The following HECW1 variants were observed in gnomAD, a reference collection of about 807,000 sequenced individuals.
HECW1 encodes the protein HECT, C2 and WW domain containing E3 ubiquitin protein ligase 1.
In HECW1, 61 loss-of-function variants were observed where a neutral mutation model predicts 182.3. That is an observed-to-expected ratio of 0.33 (90% CI 0.27 to 0.41). The LOEUF (loss-of-function observed/expected upper bound fraction) is 0.41, where lower values mean the gene tolerates loss of function less well. HECW1 is among the 10% of genes least tolerant of loss of function. The probability of loss-of-function intolerance (pLI) is 1.00; values close to 1 mark genes in which losing one functional copy is unlikely to be tolerated. For synonymous variants in HECW1, 859 were observed against 832.6 expected, an observed-to-expected ratio of 1.03 and a Z score of -0.55; for missense variants, 1,739 against 2,108.9, an observed-to-expected ratio of 0.82 and a Z score of 3.44.
chr7:43,205,676 T>C (rs1795407902), intron 2 of HECW1, among the ~76,000 whole-genome samples: 1 of 152,200 alleles, frequency 6.6e-6, no homozygotes, highest in East Asian at 1.9e-4. Flanking sequence ...CCATGTGCAG[T>C]GGTCTCGTGA....
intron 3 of HECW1, among the ~76,000 whole-genome samples, chr7:43,281,238 ATCACTG>A (rs994507473): frequency 1.3e-5 from 2 of 152,130 alleles, no homozygotes; most frequent in African/African-American, 4.8e-5. Context: ...CGTCATGGCC[ATCACTG>A]TCTCAGGCTC....
chr7:43,553,629 A>G (rs550266051), intron 28 of HECW1, among the ~76,000 whole-genome samples: 1 of 146,170 alleles, frequency 6.8e-6, no homozygotes, highest in South Asian at 2.2e-4. Context: ...AGATCATGCC[A>G]CTGCACTCCA....
In HECW1 at chr7:43,278,309, A is replaced by T. The variant is rs114225408; in HGVS notation, c.28-33454A>T. 4.0e-3 allele frequency among the ~76,000 whole-genome samples: 604 copies of T among 151,524 alleles called. 5 individuals are homozygous for T. The highest frequency in any genetic ancestry group is 0.014 in the African/African-American group (580 of 41,284). On this transcript the variant is annotated intron_variant, in intron 3 of 29. Coordinates refer to ENST00000395891, the MANE Select transcript of HECW1 (RefSeq NM_015052.5). ...GCCAAAACCTGTGGTGTCATCCTTG[A>T]CTCATCCTTTCTCTGCACCCCACAT...
rs1353613550 is a variant in HECW1, at chr7:43,508,891, C to T, written c.3867-78C>T. On this transcript the variant is annotated intron_variant, in intron 23 of 29. Coordinates refer to ENST00000395891, the MANE Select transcript of HECW1 (RefSeq NM_015052.5). ...CCCAGCACCCAACTCTGAAAGGGCA[C>T]ACTAGAATCTGGGTGCAAACAGGTC... The T allele has an allele frequency of 2.7e-6, 4 of 1,504,352 alleles. No homozygotes were observed. The African/African-American group carries it at 5.5e-5, about 21-fold the overall frequency. The allele number at this position is 1,504,352 out of a possible 1,614,324, so 93.2% of individuals were successfully genotyped here.
chr7:43,210,450 A>AGAGTGTGT (rs1554310103), intron 2 of HECW1, among the ~76,000 whole-genome samples: 1 of 145,404 alleles, frequency 6.9e-6, no homozygotes, highest in Non-Finnish European at 1.5e-5. Flanking sequence ...AGTAGAAGTG[A>AGAGTGTGT]GTGTGTGTGT....
chr7:43,216,706 G>T lies in HECW1; in HGVS notation c.-31-27169G>T, dbSNP rs116919090. 2.9e-3 allele frequency among the ~76,000 whole-genome samples: 440 copies of T among 151,886 alleles called. 9 individuals carry two copies. In the East Asian group the frequency reaches 0.058, roughly 20 times the overall value. ...GTCTTGCTCTTTCCCCCAGGCTGGAGTACAGTGACGTGAACTCAGCTCACT... is the reference window on the plus strand; with the variant it reads ...GTCTTGCTCTTTCCCCCAGGCTGGATTACAGTGACGTGAACTCAGCTCACT... On this transcript the variant is annotated intron_variant, in intron 2 of 29. Coordinates refer to ENST00000395891, the MANE Select transcript of HECW1 (RefSeq NM_015052.5).
chr7:43,306,199 G>A (rs1807541418), intron 3 of HECW1, among the ~76,000 whole-genome samples: 1 of 152,202 alleles, frequency 6.6e-6, no homozygotes, highest in African/African-American at 2.4e-5. Flanking sequence ...GTCTGGCCTT[G>A]ATAATGTTTT....
At chr7:43,488,683 C>T (rs2078815832) in intron 17 of HECW1, among the ~76,000 whole-genome samples, 1 of 152,146 alleles carries the variant, frequency 6.6e-6, no homozygotes, top group Non-Finnish European at 1.5e-5. Flanking sequence ...GAATTTCCTC[C>T]AGCCCTGCCT....
At position 43,387,825 on chromosome 7, in the gene HECW1, G is replaced by A. The variant is rs1466163304; in HGVS notation, c.556-8989G>A. 2.0e-5 allele frequency among the ~76,000 whole-genome samples: 3 copies of A among 152,202 alleles called. No homozygotes were observed. The South Asian group carries it at 6.2e-4, about 31-fold the overall frequency. On this transcript the variant is annotated intron_variant, in intron 6 of 29. Transcript: ENST00000395891. ...TGGGCCCCTTGATTGACTAGCTTAT[G>A]CTTCACGTTTTTCATCTATAAAGTA...
At chr7:43,513,024 T>C (rs2079955298) in intron 24 of HECW1, among the ~76,000 whole-genome samples, 1 of 152,180 alleles carries the variant, frequency 6.6e-6, no homozygotes, top group African/African-American at 2.4e-5. Context: ...GCAGAGACAC[T>C]TTTGTCTTAT....
chr7:43,509,041 A>T lies in HECW1; in HGVS notation c.3939A>T (p.Gly1313=). The change falls in exon 24 of 30, where the codon GGA becomes GGT. Residue 1313 remains glycine (G), a synonymous_variant. Transcript: ENST00000395891. Reference sequence around the variant, plus strand: ...AGGAGCTCTTCAACCCTTACTATGGACTCTTTGAGTACTCGGCAAATGATA... The same window carrying T: ...AGGAGCTCTTCAACCCTTACTATGGTCTCTTTGAGTACTCGGCAAATGATA... ...LSQELFNPYY[G]LFEYSANDTY... 6.2e-7 allele frequency: 1 copy of T among 1,613,820 alleles called. No individual in the cohort carries two copies.
chr7:43,281,367 G>T (rs1277499648), intron 3 of HECW1, among the ~76,000 whole-genome samples: 4 of 152,208 alleles, frequency 2.6e-5, no homozygotes, highest in Non-Finnish European at 5.9e-5. Context: ...ACATTGGGTG[G>T]ACACCTGCTG....
intron 17 of HECW1, among the ~76,000 whole-genome samples, chr7:43,488,508 A>AAAG (rs2078806902): frequency 6.8e-6 from 1 of 146,212 alleles, no homozygotes; most frequent in Non-Finnish European, 1.5e-5. Flanking sequence ...GAAAGAAAAG[A>AAAG]AAAGAAAGAA....
At chr7:43,183,935 T>C (rs900816606) in intron 2 of HECW1, among the ~76,000 whole-genome samples, 1 of 151,390 alleles carries the variant, frequency 6.6e-6, no homozygotes, top group African/African-American at 2.4e-5. Flanking sequence ...AACATTTTCT[T>C]CATCACTGTT....
Position 43,429,888 on chromosome 7 carries a change from A to T in HECW1, c.802-8115A>T, listed in dbSNP as rs1231923538. ...TGCAAGAGAGGAGAGGCAAAGCTAG[A>T]TGCCAGTCTAACTGATGTCATGACC... On this transcript the variant is annotated intron_variant, in intron 8 of 29. Transcript: ENST00000395891. Among the ~76,000 whole-genome samples, 3 of 152,348 alleles carry T rather than the reference A, an allele frequency of 2.0e-5. No individual in the cohort carries two copies. In the East Asian group the frequency reaches 5.8e-4, roughly 29 times the overall value.
chr7:43,349,715 T>C (rs1814155071), intron 5 of HECW1, among the ~76,000 whole-genome samples: 1 of 152,206 alleles, frequency 6.6e-6, no homozygotes, highest in African/African-American at 2.4e-5. Flanking sequence ...GAAATGCCTT[T>C]TTTCACCCCT....
At chr7:43,237,138 G>GAAGT (rs1562714817) in intron 2 of HECW1, among the ~76,000 whole-genome samples, 2 of 126,114 alleles carry the variant, frequency 1.6e-5, no homozygotes, top group African/African-American at 2.8e-5. Context: ...AGGAAGGAAG[G>GAAGT]AAGTAGGTAG....
intron 2 of HECW1, among the ~76,000 whole-genome samples, chr7:43,210,745 C>T (rs1174537940): frequency 1.3e-5 from 2 of 152,160 alleles, no homozygotes; most frequent in African/African-American, 2.4e-5. Flanking sequence ...AAGCCTTTAG[C>T]CCAATCCAGA....
intron 28 of HECW1, among the ~76,000 whole-genome samples, chr7:43,553,825 T>C (rs1371706756): frequency 6.6e-6 from 1 of 152,236 alleles, no homozygotes; most frequent in Non-Finnish European, 1.5e-5. Flanking sequence ...TTATTTTTCC[T>C]GCCAGGAATG....
Sources: allele counts gnomAD v4.1 joint callset (sites outside exome capture counted in the v4.1 genomes callset), GRCh38; gene constraint gnomAD v4.1.1; transcripts MANE v1.5; gene names NCBI Gene and HGNC (gene_info 2026-07-23, HGNC 2026-07-21).